AMOTL1: variants seen among roughly 807,000 people sequenced by gnomAD.
AMOTL1 encodes the protein angiomotin-like protein 1.
A neutral mutation model predicts 102.9 loss-of-function variants in AMOTL1; 45 were observed. The ratio of observed to expected loss-of-function variants is 0.44; its 90% CI spans 0.34 to 0.56. AMOTL1 has a LOEUF of 0.56. Ranked by LOEUF, AMOTL1 falls within the 20% of genes least tolerant of loss-of-function variation. The probability of loss-of-function intolerance (pLI) is 0.01; values close to 1 mark genes in which losing one functional copy is unlikely to be tolerated. For missense variants in AMOTL1, 1,114 were observed against 1,225.6 expected (o/e 0.91, Z 1.36); for synonymous variants, 481 against 484.7 (o/e 0.99, Z 0.10).
intron 1 of AMOTL1, among the ~76,000 whole-genome samples, chr11:94,714,127 C>A (rs1950059253): frequency 6.6e-6 from 1 of 151,992 alleles, no homozygotes; most frequent in Non-Finnish European, 1.5e-5. Context: ...GCTTTTCGTG[C>A]AATGATCAGT....
intron 3 of AMOTL1, among the ~76,000 whole-genome samples, chr11:94,813,429 G>A (rs1951715219): frequency 6.6e-6 from 1 of 152,116 alleles, no homozygotes; most frequent in Non-Finnish European, 1.5e-5. Flanking sequence ...GAAATAACTG[G>A]GATCAACGTT....
chr11:94,811,188 C>T (rs901799947), intron 3 of AMOTL1, among the ~76,000 whole-genome samples: 3 of 151,842 alleles, frequency 2.0e-5, no homozygotes, highest in African/African-American at 4.8e-5. Context: ...AAATAAAGCC[C>T]CTCAAGTGGT....
chr11:94,836,666 C>A (rs1234536956), intron 6 of AMOTL1, among the ~76,000 whole-genome samples: 1 of 151,782 alleles, frequency 6.6e-6, no homozygotes, highest in Non-Finnish European at 1.5e-5. Context: ...TCTGTTATTT[C>A]AAGATATTAG....
chr11:94,708,221 G>A (rs924823028), intron 1 of AMOTL1, among the ~76,000 whole-genome samples: 1 of 152,180 alleles, frequency 6.6e-6, no homozygotes, highest in Non-Finnish European at 1.5e-5. Context: ...GTTTTACTAA[G>A]CTTTCTAAGG....
chr11:94,843,397 G>A (rs1343969076), intron 6 of AMOTL1, among the ~76,000 whole-genome samples: 12 of 152,130 alleles, frequency 7.9e-5, no homozygotes, highest in Admixed American at 7.9e-4. Context: ...ATGTTAAGAA[G>A]GGGCCCCTGA....
At chr11:94,844,401 T>G (rs1216074507) in intron 6 of AMOTL1, among the ~76,000 whole-genome samples, 1 of 152,216 alleles carries the variant, frequency 6.6e-6, no homozygotes, top group Non-Finnish European at 1.5e-5. Context: ...GATCAAACCT[T>G]GATTCCAGCT....
At chr11:94,841,400 C>T (rs534526497) in intron 6 of AMOTL1, among the ~76,000 whole-genome samples, 2 of 152,096 alleles carry the variant, frequency 1.3e-5, no homozygotes, top group South Asian at 2.1e-4. Context: ...TGTAGTGAGC[C>T]GAGATGGCAC....
In AMOTL1 at chr11:94,850,226, C is replaced by T. The variant is rs368272493; in HGVS notation, c.1761C>T (p.Asn587=). Reference sequence around the variant, plus strand: ...AGATCCTGGACCAGGCTTTGAGCAACGCCCAGGCCAGGGTCATCAAGCTGG... The same window carrying T: ...AGATCCTGGACCAGGCTTTGAGCAATGCCCAGGCCAGGGTCATCAAGCTGG... ...HIEILDQALS[N]AQARVIKLEE... is the part of the protein sequence containing the mutation. The change falls in exon 7 of 13, where the codon AAC becomes AAT. Residue 587 remains asparagine, a synonymous_variant. Transcript: ENST00000433060. The T allele has an allele frequency of 4.6e-5, 73 of 1,595,602 alleles. 1 individual carries two copies. The highest frequency in any genetic ancestry group is 1.8e-4 in the East Asian group (8 of 44,308).
rs146064393 is a variant in AMOTL1, at chr11:94,859,135, T to A, written c.1945-390T>A. ...TTGTGGAATTCTGGAGAAAGTACCC[T>A]AGACCAGGAGGCCAAGACTTAATTC... On this transcript the variant is annotated intron_variant, in intron 8 of 12. Coordinates refer to ENST00000433060, the MANE Select transcript of AMOTL1 (RefSeq NM_130847.3). Among the ~76,000 whole-genome samples, 793 of 152,292 alleles carry A rather than the reference T, an allele frequency of 5.2e-3. 7 individuals carry two copies. Among genetic ancestry groups the A allele is most frequent in the South Asian group, 0.03 (144 of 4,826 alleles).
At chr11:94,755,428 ATCT>A (rs1364750805) in intron 3 of AMOTL1, among the ~76,000 whole-genome samples, 1 of 152,170 alleles carries the variant, frequency 6.6e-6, no homozygotes, top group Non-Finnish European at 1.5e-5. Flanking sequence ...CTGCTAGAAC[ATCT>A]TCTGAGCAGG....
At chr11:94,721,956 T>A (rs1950181046) in intron 1 of AMOTL1, among the ~76,000 whole-genome samples, 1 of 152,128 alleles carries the variant, frequency 6.6e-6, no homozygotes, top group South Asian at 2.1e-4. Context: ...TGGCTCATAA[T>A]CAGAGAGCTG....
intron 1 of AMOTL1, among the ~76,000 whole-genome samples, chr11:94,725,514 A>G (rs906538360): frequency 6.6e-6 from 1 of 152,164 alleles, no homozygotes; most frequent in African/African-American, 2.4e-5. Context: ...AGGGTCAAAT[A>G]AAAATAAGAT....
chr11:94,782,813 A>G (rs1951131648), intron 1 of AMOTL1, among the ~76,000 whole-genome samples: 1 of 152,254 alleles, frequency 6.6e-6, no homozygotes, highest in Non-Finnish European at 1.5e-5. Context: ...GATTGAAATC[A>G]GAAGCAGATA....
At chr11:94,810,914 A>G (rs1259382163) in intron 3 of AMOTL1, among the ~76,000 whole-genome samples, 1 of 151,962 alleles carries the variant, frequency 6.6e-6, no homozygotes, top group Non-Finnish European at 1.5e-5. Flanking sequence ...ATTGACTGCT[A>G]ACCATTGAGC....
intron 1 of AMOTL1, among the ~76,000 whole-genome samples, chr11:94,770,478 T>G (rs1412039974): frequency 6.6e-6 from 1 of 152,062 alleles, no homozygotes; most frequent in Non-Finnish European, 1.5e-5. Flanking sequence ...GGGATGAGGA[T>G]GTTTAGTTCT....
rs951078095 is a variant in AMOTL1, at chr11:94,876,101, GTGT to G, written c.*5310_*5312del. On this transcript the variant is annotated 3_prime_UTR_variant, in exon 13 of 13. Coordinates refer to ENST00000433060, the MANE Select transcript of AMOTL1 (RefSeq NM_130847.3). ...TCAGCCCCCAAAGTCTGGATGCCCG[GTGT>G]TGTGTTTACATGTGATTGTGCCTAG... is the stretch of plus-strand genomic sequence containing the variant. 1 of 152,606 alleles carries G rather than the reference GTGT, an allele frequency of 6.6e-6. No homozygotes were observed. The highest frequency in any genetic ancestry group is 2.4e-5 in the African/African-American group (1 of 41,434). The allele number at this position is 152,606 out of a possible 1,614,324, so 9.5% of individuals were successfully genotyped here.
intron 4 of AMOTL1, among the ~76,000 whole-genome samples, chr11:94,822,497 A>G (rs1951884415): frequency 6.6e-6 from 1 of 152,192 alleles, no homozygotes; most frequent in South Asian, 2.1e-4. Context: ...AAATTTAGGA[A>G]TCTCAGACAG....
upstream of AMOTL1, among the ~76,000 whole-genome samples, chr11:94,764,942 AATAG>A (rs1461268251): frequency 1.3e-5 from 2 of 152,224 alleles, no homozygotes; most frequent in African/African-American, 4.8e-5. Flanking sequence ...CGTGTCTAGA[AATAG>A]ATAGAACATG....
At chr11:94,784,391 T>C (rs962632524) in intron 1 of AMOTL1, among the ~76,000 whole-genome samples, 11 of 152,224 alleles carry the variant, frequency 7.2e-5, no homozygotes, top group Non-Finnish European at 1.5e-4. Context: ...TTGTTATTAA[T>C]ATAATCACCT....
Sources: allele counts gnomAD v4.1 joint callset (sites outside exome capture counted in the v4.1 genomes callset), GRCh38; gene constraint gnomAD v4.1.1; transcripts MANE v1.5; gene names NCBI Gene and HGNC (gene_info 2026-07-23, HGNC 2026-07-21).